Variants in SLC6A16 observed in about 807,000 individuals in gnomAD.
SLC6A16 encodes orphan sodium- and chloride-dependent neurotransmitter transporter NTT5.
SLC6A16 carries 54 observed loss-of-function variants against 65.4 expected under a neutral mutation model. The observed-to-expected ratio is 0.83, with a 90% CI of 0.66 to 1.04. SLC6A16 has a LOEUF of 1.04. Ranked by LOEUF, SLC6A16 falls within the 50% of genes least tolerant of loss-of-function variation. The pLI is 0.00. For synonymous variants in SLC6A16, 330 were observed against 346.5 expected (o/e 0.95, Z 0.53); for missense variants, 816 against 914.0 (o/e 0.89, Z 1.38).
chr19:49,306,561 T>A (rs1970391955), intron 7 of SLC6A16, among the ~76,000 whole-genome samples: 1 of 149,388 alleles, frequency 6.7e-6, no homozygotes, highest in Non-Finnish European at 1.5e-5. Context: ...TTTTTTTTTT[T>A]GAGAGAGAGT....
chr19:49,308,826 G>A (rs1164845406), intron 7 of SLC6A16, 50 bp downstream of exon 7: 1 of 1,609,004 alleles, frequency 6.2e-7, no homozygotes, highest in Non-Finnish European at 8.5e-7. Flanking sequence ...GGGTCTCAGG[G>A]TTTTAAAGTT....
At chr19:49,301,038 G>A (rs953117182) in intron 7 of SLC6A16, among the ~76,000 whole-genome samples, 2 of 152,046 alleles carry the variant, frequency 1.3e-5, no homozygotes, top group African/African-American at 4.8e-5. Context: ...AAGTCAGCGA[G>A]ACTCCATCTC....
rs5828385 is a variant in SLC6A16, at chr19:49,313,072, C to CAAAAAAAAAA, written c.-64-1671_-64-1662dup. Among the ~76,000 whole-genome samples, 236 of 95,764 alleles carry CAAAAAAAAAA rather than the reference C, an allele frequency of 2.5e-3. 22 individuals carry two copies. The highest frequency in any genetic ancestry group is 0.011 in the African/African-American group (212 of 18,968). 62.8% of individuals were successfully genotyped at this position (95,764 alleles called of 152,430 possible). Reference sequence around the variant, plus strand: ...CACTCCAGCCTGGGCAACCCTGTCTCAAAAAAAAAAAAAAAAAAAAAAAGA... The same window carrying CAAAAAAAAAA: ...CACTCCAGCCTGGGCAACCCTGTCTCAAAAAAAAAAAAAAAAAAAAAAAAAAAAAAAAAGA... On this transcript the variant is annotated intron_variant, in intron 1 of 11. Coordinates refer to ENST00000335875, the MANE Select transcript of SLC6A16 (RefSeq NM_014037.3).
At chr19:49,327,482 A>C (rs1431791789), upstream of SLC6A16, among the ~76,000 whole-genome samples, 2 of 152,208 alleles carry the variant, frequency 1.3e-5, no homozygotes, top group African/African-American at 4.8e-5. Flanking sequence ...GTGTGTGAAC[A>C]TCTCAAGCCT....
In SLC6A16 at chr19:49,292,967, A is replaced by C. The variant is rs930538985; in HGVS notation, c.1778+256T>G. On this transcript the variant is annotated intron_variant, in intron 10 of 11. Transcript: ENST00000335875. The surrounding 1 kb of genome is among the most constrained non-coding windows in gnomAD (Gnocchi z 4.3). ...GGTTATTGTCTCTCTAGACCACTAAAATGTAAGCTTTCTGAGAATAGGAAT... is the reference window on the plus strand; with the variant it reads ...GGTTATTGTCTCTCTAGACCACTAACATGTAAGCTTTCTGAGAATAGGAAT... Among the ~76,000 whole-genome samples the C allele has an allele frequency of 2.0e-5, 3 of 152,154 alleles. No individual in the cohort carries two copies. Among genetic ancestry groups the C allele is most frequent in the Non-Finnish European group, 4.4e-5 (3 of 68,028 alleles).
chr19:49,302,765 G>A (rs983107051), intron 7 of SLC6A16, among the ~76,000 whole-genome samples: 1 of 152,132 alleles, frequency 6.6e-6, no homozygotes, highest in East Asian at 1.9e-4. Flanking sequence ...AACAACGAAA[G>A]AAGAGGCTAA....
At chr19:49,294,255 A>C in intron 8 of SLC6A16, 112 bp downstream of exon 8, 1 of 1,089,558 alleles carries the variant, frequency 9.2e-7, no homozygotes, top group Non-Finnish European at 1.3e-6. Flanking sequence ...TGAGAGCCAC[A>C]GATGATTCTG....
chr19:49,309,184 T>TG, intron 6 of SLC6A16, 67 bp from the exon 7 acceptor site: 1 of 1,600,976 alleles, frequency 6.2e-7, no homozygotes, highest in Non-Finnish European at 8.5e-7. Context: ...ATAATAGAAA[T>TG]GTTGCAGGGA....
the SLC6A16 span, chr19:49,335,855 T>A: frequency 1.6e-6 from 2 of 1,273,992 alleles, no homozygotes; most frequent in Non-Finnish European, 2.3e-6. This position sits in a 1 kb window ranked among gnomAD's most constrained non-coding sequence, Gnocchi z 4.6. Context: ...CTCCCTTGTC[T>A]CAGGGAGACC....
the SLC6A16 span, chr19:49,337,489 G>A: frequency 2.9e-5 from 18 of 623,628 alleles, no homozygotes; most frequent in African/African-American, 3.0e-4. Context: ...GGGTGTGATG[G>A]TGTGCACCTG....
At chr19:49,337,686 G>A in the SLC6A16 span, 12 of 1,528,052 alleles carry the variant, frequency 7.9e-6, no homozygotes, top group African/African-American at 1.2e-4. Context: ...GGAAACACAC[G>A]GGAAAAAGAG....
At chr19:49,293,045 A>G in intron 10 of SLC6A16, 178 bp downstream of exon 10, 1 of 570,970 alleles carries the variant, frequency 1.8e-6, no homozygotes, top group Admixed American at 3.1e-5. Context: ...TGCCTGGCAC[A>G]TATTCAGCAC....
chr19:49,299,592 A>C (rs1236368587), intron 7 of SLC6A16, among the ~76,000 whole-genome samples: 6 of 147,506 alleles, frequency 4.1e-5, no homozygotes, highest in Non-Finnish European at 5.9e-5. Context: ...GGCTATCTTC[A>C]ATGTGCTAGG....
At chr19:49,314,419 T>A (rs1329026767) in intron 1 of SLC6A16, among the ~76,000 whole-genome samples, 1 of 152,200 alleles carries the variant, frequency 6.6e-6, no homozygotes, top group Non-Finnish European at 1.5e-5. Context: ...GTTGTACACA[T>A]GAAATATGTA....
At chr19:49,339,337 C>A in the SLC6A16 span, 1 of 1,613,868 alleles carries the variant, frequency 6.2e-7, no homozygotes. The surrounding 1 kb of genome is among the most constrained non-coding windows in gnomAD (Gnocchi z 4.5). Context: ...CAGGGCTGCG[C>A]GCAGGGCCTC....
intron 1 of SLC6A16, among the ~76,000 whole-genome samples, chr19:49,318,717 G>C (rs1970655809): frequency 6.6e-6 from 1 of 152,012 alleles, no homozygotes; most frequent in Non-Finnish European, 1.5e-5. Flanking sequence ...TAGACAGACA[G>C]ATAGATATTT....
the SLC6A16 span, chr19:49,335,222 G>C: frequency 2.7e-6 from 1 of 366,496 alleles, no homozygotes; most frequent in Non-Finnish European, 5.0e-6. The surrounding 1 kb of genome is among the most constrained non-coding windows in gnomAD (Gnocchi z 4.6). Context: ...ATCCCCCAGC[G>C]CCTGAGACAT....
the SLC6A16 span, chr19:49,331,678 G>T: frequency 4.5e-6 from 2 of 441,744 alleles, no homozygotes; most frequent in Non-Finnish European, 4.6e-6. Flanking sequence ...CAGCCAGTGA[G>T]TGAAGGGAGA....
At chr19:49,333,716 G>A in the SLC6A16 span, among the ~76,000 whole-genome samples, 1 of 152,188 alleles carries the variant, frequency 6.6e-6, no homozygotes, top group African/African-American at 2.4e-5. Context: ...GACTCAGCAG[G>A]CAGGAGGGAT....
Sources: allele counts gnomAD v4.1 joint callset (sites outside exome capture counted in the v4.1 genomes callset), GRCh38; gene constraint gnomAD v4.1.1; non-coding constraint Gnocchi (gnomAD v3.1); transcripts MANE v1.5; gene names NCBI Gene and HGNC (gene_info 2026-07-23, HGNC 2026-07-21).